Variants in GABRG3 observed in about 807,000 individuals in gnomAD.
GABRG3 encodes gamma-aminobutyric acid type A receptor subunit gamma3.
GABRG3 carries 25 observed loss-of-function variants against 48.8 expected under a neutral mutation model. The ratio of observed to expected loss-of-function variants is 0.51; its 90% CI spans 0.37 to 0.72. GABRG3 has a LOEUF of 0.72. Ranked by LOEUF, GABRG3 falls within the 30% of genes least tolerant of loss-of-function variation. The probability of loss-of-function intolerance (pLI) is 0.00; values close to 1 mark genes in which losing one functional copy is unlikely to be tolerated. For missense variants in GABRG3, 394 were observed against 577.9 expected, an observed-to-expected ratio of 0.68 and a Z score of 3.26; for synonymous variants, 227 against 217.6, an observed-to-expected ratio of 1.04 and a Z score of -0.38.
intron 3 of GABRG3, among the ~76,000 whole-genome samples, chr15:27,299,316 A>C (rs373623183): frequency 3.0e-4 from 45 of 152,276 alleles, no homozygotes; most frequent in African/African-American, 1.1e-3. Flanking sequence ...AAACAAAAAA[A>C]CACCATGGCC....
chr15:27,094,861 T>G (rs1897246161), intron 3 of GABRG3, among the ~76,000 whole-genome samples: 1 of 152,172 alleles, frequency 6.6e-6, no homozygotes, highest in African/African-American at 2.4e-5. Context: ...CCATTTAAAT[T>G]TTAGTATATA....
chr15:27,117,372 C>A (rs1897659229), intron 3 of GABRG3, among the ~76,000 whole-genome samples: 1 of 152,054 alleles, frequency 6.6e-6, no homozygotes, highest in Non-Finnish European at 1.5e-5. Flanking sequence ...TTTTTAGGTG[C>A]AGATACTAGC....
intron 3 of GABRG3, among the ~76,000 whole-genome samples, chr15:27,201,895 A>G (rs967217440): frequency 6.6e-6 from 1 of 152,280 alleles, no homozygotes; most frequent in African/African-American, 2.4e-5. Context: ...AGTTAAAAGT[A>G]GCAATTTGCA....
At chr15:27,083,054 C>T (rs7174476) in intron 3 of GABRG3, among the ~76,000 whole-genome samples, 32,696 of 152,122 alleles carry the variant, frequency 0.21, 3,661 homozygotes, top group Middle Eastern at 0.28. Flanking sequence ...TATTTTATCA[C>T]ATAAGGTAAA....
In GABRG3 at chr15:27,352,202, C is replaced by T. The variant is rs1228417830; in HGVS notation, c.574+23314C>T. 2.6e-5 allele frequency among the ~76,000 whole-genome samples: 4 copies of T among 151,436 alleles called. No homozygotes were observed. The highest frequency in any genetic ancestry group is 9.7e-5 in the African/African-American group (4 of 41,166). ...TGTGTGTTTGTGTGTATCTTGGATC[C>T]TTTTAAGACTGCGTGGCAGTGTAGG... On this transcript the variant is annotated intron_variant, in intron 5 of 9. Transcript: ENST00000615808. The surrounding 1 kb of genome is among the most constrained non-coding windows in gnomAD (Gnocchi z 4.0).
chr15:27,349,580 C>T (rs1333710413), intron 5 of GABRG3, among the ~76,000 whole-genome samples: 1 of 152,190 alleles, frequency 6.6e-6, no homozygotes, highest in African/African-American at 2.4e-5. Flanking sequence ...CTGCTGGGGT[C>T]GACCCTGTCT....
chr15:27,102,054 C>T (rs1357077923), intron 3 of GABRG3, among the ~76,000 whole-genome samples: 2 of 151,908 alleles, frequency 1.3e-5, no homozygotes, highest in Admixed American at 6.5e-5. Flanking sequence ...CGTCCGGCCT[C>T]TCTACGTCCA....
intron 7 of GABRG3, 67 bp from the exon 8 acceptor site, chr15:27,527,366 G>A (rs1031707892): frequency 1.4e-6 from 2 of 1,476,878 alleles, no homozygotes; most frequent in African/African-American, 2.8e-5. Context: ...GAGGGATGTG[G>A]GTGACCGTCT....
chr15:27,340,136 A>G (rs2037079171), intron 5 of GABRG3, among the ~76,000 whole-genome samples: 1 of 152,156 alleles, frequency 6.6e-6, no homozygotes, highest in Non-Finnish European at 1.5e-5. Flanking sequence ...AAGTTATACG[A>G]TGATGGAAGG....
intron 6 of GABRG3, among the ~76,000 whole-genome samples, chr15:27,482,491 T>C (rs1408522787): frequency 6.6e-6 from 1 of 152,214 alleles, no homozygotes; most frequent in Non-Finnish European, 1.5e-5. Context: ...ATTTTCACAA[T>C]GTGGAGGATC....
At chr15:27,423,856 C>G (rs997055756) in intron 5 of GABRG3, among the ~76,000 whole-genome samples, 1 of 150,756 alleles carries the variant, frequency 6.6e-6, no homozygotes, top group Non-Finnish European at 1.5e-5. Flanking sequence ...TGTGAGCTAC[C>G]ACACCTAGCT....
chr15:27,002,259 C>T (rs1566905440), intron 2 of GABRG3, among the ~76,000 whole-genome samples: 1 of 152,194 alleles, frequency 6.6e-6, no homozygotes, highest in Non-Finnish European at 1.5e-5. Flanking sequence ...TGTTTTCTGT[C>T]AGGGCTCACT....
In GABRG3 at chr15:27,402,816, C is replaced by A. The variant is rs141129929; in HGVS notation, c.574+73928C>A. On this transcript the variant is annotated intron_variant, in intron 5 of 9. Coordinates refer to ENST00000615808, the MANE Select transcript of GABRG3 (RefSeq NM_033223.5). Reference sequence around the variant, plus strand: ...CCATAAGCAACTAACAGGAGGAGAGCAAGAAATAAATAGAAACTGATTCAC... The same window carrying A: ...CCATAAGCAACTAACAGGAGGAGAGAAAGAAATAAATAGAAACTGATTCAC... 2.4e-3 allele frequency among the ~76,000 whole-genome samples: 367 copies of A among 152,256 alleles called. 2 individuals are homozygous for A. Among genetic ancestry groups the A allele is most frequent in the African/African-American group, 8.1e-3 (337 of 41,560 alleles).
chr15:27,306,564 A>G (rs1335129181), intron 3 of GABRG3, among the ~76,000 whole-genome samples: 1 of 46,602 alleles, frequency 2.1e-5, no homozygotes, highest in African/African-American at 4.7e-5. Context: ...TATAATATAA[A>G]CATATATGTT....
At chr15:27,508,871 A>T (rs558962221) in intron 6 of GABRG3, among the ~76,000 whole-genome samples, 2 of 151,754 alleles carry the variant, frequency 1.3e-5, no homozygotes, top group African/African-American at 2.4e-5. Flanking sequence ...CCACCACCAC[A>T]CCCAGCTAAT....
At chr15:27,250,074 C>T (rs111933720) in intron 3 of GABRG3, among the ~76,000 whole-genome samples, 1,723 of 152,190 alleles carry the variant, frequency 0.011, 37 homozygotes, top group African/African-American at 0.04. Flanking sequence ...CTTTTCCCTC[C>T]TCTCCAAAGC....
At chr15:27,353,006 T>G (rs1410351385) in intron 5 of GABRG3, among the ~76,000 whole-genome samples, 1 of 152,120 alleles carries the variant, frequency 6.6e-6, no homozygotes, top group African/African-American at 2.4e-5. Context: ...CCTCCCGACT[T>G]CTGTGTTCCT....
intron 6 of GABRG3, among the ~76,000 whole-genome samples, chr15:27,502,912 C>T (rs775327303): frequency 6.6e-6 from 1 of 152,186 alleles, no homozygotes; most frequent in South Asian, 2.1e-4. Context: ...GGTGAGTTCT[C>T]GTTCCTGTTC....
At chr15:27,491,406 T>G (rs1595789664) in intron 6 of GABRG3, among the ~76,000 whole-genome samples, 1 of 152,246 alleles carries the variant, frequency 6.6e-6, no homozygotes, top group South Asian at 2.1e-4. Context: ...CTGGCTAGGG[T>G]TTTCCTCGTA....
Sources: gnomAD v4.1 joint callset for allele counts (sites outside exome capture counted in the v4.1 genomes callset) on GRCh38, gnomAD v4.1.1 for gene constraint, Gnocchi (gnomAD v3.1) non-coding constraint, MANE v1.5 for transcripts, NCBI Gene and HGNC (gene_info 2026-07-23, HGNC 2026-07-21) for gene names.